Variants in ISM1 observed in about 807,000 individuals in gnomAD.
The protein encoded by ISM1 is isthmin 1, also known as isthmin-1.
In ISM1, 25 loss-of-function variants were observed where a neutral mutation model predicts 46.3. The ratio of observed to expected loss-of-function variants is 0.54; its 90% CI spans 0.39 to 0.75. ISM1 has a LOEUF of 0.75. Among genes scored for constraint, ISM1 ranks in the 30% least tolerant of loss-of-function variants. The pLI, the probability that ISM1 is intolerant of heterozygous loss-of-function variation, is 0.00. For missense variants in ISM1, 536 were observed against 625.4 expected, an observed-to-expected ratio of 0.86 and a Z score of 1.52; for synonymous variants, 255 against 256.7, an observed-to-expected ratio of 0.99 and a Z score of 0.06.
chr20:13,266,503 T>C lies in ISM1; in HGVS notation c.139-4001T>C, dbSNP rs6109786. Among the ~76,000 whole-genome samples, 380 of 152,278 alleles carry C rather than the reference T, an allele frequency of 2.5e-3. 1 individual carries two copies. Among genetic ancestry groups the C allele is most frequent in the African/African-American group, 8.5e-3 (354 of 41,550 alleles). ...GAAATTATAGTCACAAGAGGAAACA[T>C]TGCTGCTGGTGCTGCAGCATTGTCA... On this transcript the variant is annotated intron_variant, in intron 1 of 5. Coordinates refer to ENST00000262487, the MANE Select transcript of ISM1 (RefSeq NM_080826.2).
At chr20:13,250,671 G>A (rs931433252) in intron 1 of ISM1, among the ~76,000 whole-genome samples, 1 of 152,194 alleles carries the variant, frequency 6.6e-6, no homozygotes, top group East Asian at 1.9e-4. Flanking sequence ...GCTGTGGATT[G>A]TAAGCTCCAT....
chr20:13,281,804 A>C (rs1284105842), intron 3 of ISM1, among the ~76,000 whole-genome samples: 1 of 152,210 alleles, frequency 6.6e-6, no homozygotes, highest in Non-Finnish European at 1.5e-5. Flanking sequence ...TTGTGGCTTC[A>C]CCTGTTTGCC....
intron 3 of ISM1, among the ~76,000 whole-genome samples, chr20:13,285,321 A>G (rs2040280070): frequency 6.6e-6 from 1 of 152,112 alleles, no homozygotes; most frequent in Non-Finnish European, 1.5e-5. Flanking sequence ...AAGGAAAAAA[A>G]AAGCCAACCG....
intron 5 of ISM1, among the ~76,000 whole-genome samples, chr20:13,294,636 AG>A (rs2040388865): frequency 6.6e-6 from 1 of 152,144 alleles, no homozygotes. Flanking sequence ...TAGGTAACTG[AG>A]GAGCCTTTGG....
At chr20:13,233,859 G>A (rs977056879) in intron 1 of ISM1, among the ~76,000 whole-genome samples, 5 of 152,158 alleles carry the variant, frequency 3.3e-5, no homozygotes, top group African/African-American at 7.2e-5. Context: ...CAGCCCTTGC[G>A]CCCAGAATGC....
intron 4 of ISM1, among the ~76,000 whole-genome samples, chr20:13,290,333 G>C (rs1464086713): frequency 6.6e-6 from 1 of 152,168 alleles, no homozygotes; most frequent in African/African-American, 2.4e-5. Context: ...AAATAATGAT[G>C]AAGGTAAAAA....
chr20:13,300,037 A>G lies in ISM1; in HGVS notation c.*578A>G, dbSNP rs2040445389. 1 of 152,322 alleles carries G rather than the reference A, an allele frequency of 6.6e-6. No individual in the cohort carries two copies. The highest frequency in any genetic ancestry group is 2.4e-5 in the African/African-American group (1 of 41,436). 9.4% of individuals were successfully genotyped at this position (152,322 alleles called of 1,614,324 possible). On this transcript the variant is annotated 3_prime_UTR_variant, in exon 6 of 6. Coordinates refer to ENST00000262487, the MANE Select transcript of ISM1 (RefSeq NM_080826.2). The stretch of plus-strand genomic sequence containing the variant: ...CAAAACATGTAAACGCCCACCTTAA[A>G]CCAAATGTTATTTGGTCATGAGGCA...
intron 1 of ISM1, among the ~76,000 whole-genome samples, chr20:13,223,283 C>G (rs2039474350): frequency 6.6e-6 from 1 of 152,036 alleles, no homozygotes; most frequent in South Asian, 2.1e-4. Context: ...CTTTTTACAT[C>G]TTTATACAAT....
rs543450963 is a variant in ISM1 at position 13,279,498 on chromosome 20, G to A, written c.379-136G>A. The A allele has an allele frequency of 2.7e-4, 223 of 831,914 alleles. 6 individuals are homozygous for A. The South Asian group carries it at 3.5e-3, about 13-fold the overall frequency. The allele number at this position is 831,914 out of a possible 1,614,324, so 51.5% of individuals were successfully genotyped here. ...CCCTGGAGGTTTTCCATTGTGTATC[G>A]CCATGCAATCTCAGCTTTCCTTCAC... is the stretch of plus-strand genomic sequence containing the variant. On this transcript the variant is annotated intron_variant, in intron 2 of 5. Coordinates refer to ENST00000262487, the MANE Select transcript of ISM1 (RefSeq NM_080826.2).
intron 3 of ISM1, among the ~76,000 whole-genome samples, chr20:13,283,842 G>A (rs1338981686): frequency 1.3e-5 from 2 of 152,186 alleles, no homozygotes; most frequent in Non-Finnish European, 2.9e-5. Flanking sequence ...TATTTTAATA[G>A]ATTTCACAGT....
At chr20:13,283,032 G>GT (rs1361835738) in intron 3 of ISM1, among the ~76,000 whole-genome samples, 6 of 152,022 alleles carry the variant, frequency 3.9e-5, no homozygotes, top group East Asian at 1.9e-4. Context: ...TTTTCTTTCT[G>GT]TTTTTTTATT....
the ISM1 span, among the ~76,000 whole-genome samples, chr20:13,307,589 T>G: frequency 3.3e-5 from 5 of 152,202 alleles, no homozygotes; most frequent in Admixed American, 6.5e-5. Context: ...CCCCGTCCAG[T>G]AACGGGCACT....
At chr20:13,302,121 G>A (rs4813121), downstream of ISM1, among the ~76,000 whole-genome samples, 85,140 of 152,080 alleles carry the variant, frequency 0.56, 25,261 homozygotes, top group African/African-American at 0.76. Flanking sequence ...AGGTATTTTT[G>A]TTAAGGATTT....
At chr20:13,257,783 C>T (rs1478695590) in intron 1 of ISM1, among the ~76,000 whole-genome samples, 2 of 151,748 alleles carry the variant, frequency 1.3e-5, no homozygotes, top group Non-Finnish European at 2.9e-5. Context: ...GAATTAAATC[C>T]ACAGTGTACT....
At chr20:13,274,059 TTG>T (rs143496462) in intron 2 of ISM1, among the ~76,000 whole-genome samples, 10 of 150,822 alleles carry the variant, frequency 6.6e-5, no homozygotes, top group African/African-American at 7.3e-5. Flanking sequence ...TGGCGTGTAA[TTG>T]TGTGTGTGTG....
intron 1 of ISM1, among the ~76,000 whole-genome samples, chr20:13,269,863 G>A (rs2040090542): frequency 6.6e-6 from 1 of 152,026 alleles, no homozygotes; most frequent in Admixed American, 6.6e-5. Context: ...TGTCTATCCT[G>A]TTTATTGCTG....
intron 4 of ISM1, among the ~76,000 whole-genome samples, chr20:13,291,898 G>A (rs2040356653): frequency 6.6e-6 from 1 of 152,190 alleles, no homozygotes; most frequent in Non-Finnish European, 1.5e-5. Flanking sequence ...ACTCTAGGAG[G>A]TAGGGCAATT....
intron 1 of ISM1, among the ~76,000 whole-genome samples, chr20:13,224,672 T>G (rs2123118350): frequency 6.6e-6 from 1 of 152,274 alleles, no homozygotes; most frequent in East Asian, 1.9e-4. Context: ...TTACCTGAAT[T>G]GTAGTATGTT....
chr20:13,289,200 T>A (rs2040326804), intron 4 of ISM1, among the ~76,000 whole-genome samples: 1 of 152,204 alleles, frequency 6.6e-6, no homozygotes, highest in Non-Finnish European at 1.5e-5. Flanking sequence ...AATGTCGCAT[T>A]GTACTTATTT....
Sources: gnomAD v4.1 joint callset for allele counts (sites outside exome capture counted in the v4.1 genomes callset) on GRCh38, gnomAD v4.1.1 for gene constraint, MANE v1.5 for transcripts, NCBI Gene and HGNC (gene_info 2026-07-23, HGNC 2026-07-21) for gene names.